The following ASCC3 variants were observed in gnomAD, a reference collection of about 807,000 sequenced individuals.
ASCC3 encodes the protein ASC-1 complex subunit P200.
A neutral mutation model predicts 256.3 loss-of-function variants in ASCC3; 158 were observed. The ratio of observed to expected loss-of-function variants is 0.62; its 90% CI spans 0.54 to 0.70. ASCC3 has a LOEUF of 0.70. Ranked by LOEUF, ASCC3 falls within the 30% of genes least tolerant of loss-of-function variation. The pLI is 0.00. For missense variants in ASCC3, 2,259 were observed against 2,626.0 expected, an observed-to-expected ratio of 0.86 and a Z score of 3.05; for synonymous variants, 948 against 883.4, an observed-to-expected ratio of 1.07 and a Z score of -1.30.
intron 13 of ASCC3, among the ~76,000 whole-genome samples, chr6:100,704,137 C>T (rs1392173124): frequency 6.6e-6 from 1 of 151,134 alleles, no homozygotes; most frequent in Non-Finnish European, 1.5e-5. Context: ...TAAAAGTAGA[C>T]GTTTAGAAAA....
chr6:100,700,260 T>C (rs575304631), intron 13 of ASCC3, among the ~76,000 whole-genome samples: 398 of 152,178 alleles, frequency 2.6e-3, no homozygotes, highest in Non-Finnish European at 4.4e-3. Flanking sequence ...GCCCCAAGTC[T>C]TGGCAGCCTC....
chr6:100,526,638 G>A (rs899135633), intron 37 of ASCC3, among the ~76,000 whole-genome samples: 1 of 152,142 alleles, frequency 6.6e-6, no homozygotes, highest in Non-Finnish European at 1.5e-5. Context: ...AGTGGAGAAT[G>A]GTGCTTTGTT....
At chr6:100,695,981 A>G (rs1466964487) in intron 13 of ASCC3, among the ~76,000 whole-genome samples, 1 of 152,160 alleles carries the variant, frequency 6.6e-6, no homozygotes, top group African/African-American at 2.4e-5. Context: ...TCACAGTTTC[A>G]GACTTATTTA....
At chr6:100,717,333 G>A (rs1057260589) in intron 12 of ASCC3, among the ~76,000 whole-genome samples, 1 of 151,904 alleles carries the variant, frequency 6.6e-6, no homozygotes, top group Non-Finnish European at 1.5e-5. Flanking sequence ...ATAGTAACAT[G>A]ATTTTATCTT....
rs549255436 is a variant in ASCC3, at chr6:100,754,154, T to C, written c.1737+12411A>G. Among the ~76,000 whole-genome samples, 23 of 152,322 alleles carry C rather than the reference T, an allele frequency of 1.5e-4. 2 individuals carry two copies. In the South Asian group the frequency reaches 3.1e-3, roughly 21 times the overall value. On this transcript the variant is annotated intron_variant, in intron 10 of 41. Coordinates refer to ENST00000369162, the MANE Select transcript of ASCC3 (RefSeq NM_006828.4). ...TGGATACAATTTTATTAAATATCAA[T>C]TGCAACATTATAAAGCAAAAAAAGT...
chr6:100,837,851 T>A (rs1427665924), intron 4 of ASCC3, among the ~76,000 whole-genome samples: 1 of 151,940 alleles, frequency 6.6e-6, no homozygotes, highest in Non-Finnish European at 1.5e-5. Flanking sequence ...AACAATATTG[T>A]GTTGGGTATT....
chr6:100,582,209 T>C (rs1040482900), intron 36 of ASCC3, among the ~76,000 whole-genome samples: 30 of 152,142 alleles, frequency 2.0e-4, no homozygotes, highest in African/African-American at 7.2e-4. Context: ...TGATTCTTCC[T>C]ACCCATGAGC....
intron 25 of ASCC3, among the ~76,000 whole-genome samples, chr6:100,633,953 A>G (rs1005987763): frequency 2.0e-5 from 3 of 152,150 alleles, no homozygotes; most frequent in Non-Finnish European, 4.4e-5. Flanking sequence ...TGGCCACAGT[A>G]CACGATAAGT....
At chr6:100,808,123 C>T (rs1770279211) in intron 4 of ASCC3, among the ~76,000 whole-genome samples, 1 of 151,702 alleles carries the variant, frequency 6.6e-6, no homozygotes, top group Admixed American at 6.6e-5. Context: ...TGACCATTTC[C>T]CAATACTTAA....
chr6:100,565,902 T>A (rs1770218390), intron 36 of ASCC3, among the ~76,000 whole-genome samples: 1 of 152,138 alleles, frequency 6.6e-6, no homozygotes, highest in Non-Finnish European at 1.5e-5. Flanking sequence ...AGCATAATAG[T>A]CACAAGACTG....
In ASCC3 at chr6:100,521,429, C is replaced by T. The variant is rs532047466; in HGVS notation, c.5776-3287G>A. On this transcript the variant is annotated intron_variant, in intron 37 of 41. Transcript: ENST00000369162. Reference sequence around the variant, plus strand: ...AATTGTGAAGAAGAAAAAATAAATTCATGTTAGTTTTGCTGTCACACCTCA... The same window carrying T: ...AATTGTGAAGAAGAAAAAATAAATTTATGTTAGTTTTGCTGTCACACCTCA... 4.6e-5 allele frequency among the ~76,000 whole-genome samples: 7 copies of T among 152,224 alleles called. No individual in the cohort carries two copies. In the East Asian group the frequency reaches 1.4e-3, roughly 29 times the overall value.
At chr6:100,527,700 CATA>C (rs1432826768) in intron 37 of ASCC3, among the ~76,000 whole-genome samples, 11 of 152,138 alleles carry the variant, frequency 7.2e-5, no homozygotes, top group African/African-American at 2.4e-4. Flanking sequence ...AGCTTACAGT[CATA>C]ATATCTTTCA....
rs530694023 is a variant in ASCC3, at chr6:100,579,315, T to C, written c.5550+10319A>G. Reference sequence around the variant, plus strand: ...GCTGTCTGTTTACTCTACTGATAGTTTGTTTTATTATGCAGAAGTTCTTCA... The same window carrying C: ...GCTGTCTGTTTACTCTACTGATAGTCTGTTTTATTATGCAGAAGTTCTTCA... On this transcript the variant is annotated intron_variant, in intron 36 of 41. Transcript: ENST00000369162. Among the ~76,000 whole-genome samples, 35 of 152,238 alleles carry C rather than the reference T, an allele frequency of 2.3e-4. No individual in the cohort carries two copies. The South Asian group carries it at 7.0e-3, about 31-fold the overall frequency.
Position 100,687,963 on chromosome 6 carries a change from A to C in ASCC3, c.2152-8211T>G, listed in dbSNP as rs191492503. The stretch of plus-strand genomic sequence containing the variant: ...GTAAAACATAACCTCATAAAAAATT[A>C]TATACTAAGATAAAGGAAATCATTC... On this transcript the variant is annotated intron_variant, in intron 13 of 41. Transcript: ENST00000369162. 2.9e-3 allele frequency among the ~76,000 whole-genome samples: 435 copies of C among 152,148 alleles called. 4 individuals carry two copies. Among genetic ancestry groups the C allele is most frequent in the Admixed American group, 5.2e-3 (79 of 15,284 alleles).
At chr6:100,691,297 T>G (rs1001472528) in intron 13 of ASCC3, among the ~76,000 whole-genome samples, 1 of 152,050 alleles carries the variant, frequency 6.6e-6, no homozygotes, top group African/African-American at 2.4e-5. Flanking sequence ...ACAAAACGTA[T>G]AGTTTATTAA....
At chr6:100,796,220 C>G (rs1769605033) in intron 8 of ASCC3, among the ~76,000 whole-genome samples, 1 of 152,080 alleles carries the variant, frequency 6.6e-6, no homozygotes, top group Admixed American at 6.6e-5. Flanking sequence ...TGTGGAGAAA[C>G]TAGACTATAT....
chr6:100,744,454 A>C (rs999307206), intron 10 of ASCC3, among the ~76,000 whole-genome samples: 2 of 152,178 alleles, frequency 1.3e-5, no homozygotes, highest in African/African-American at 4.8e-5. Context: ...TTTTCTGTGA[A>C]GACTATAGGT....
At chr6:100,545,427 C>T (rs996062287) in intron 36 of ASCC3, among the ~76,000 whole-genome samples, 3 of 152,204 alleles carry the variant, frequency 2.0e-5, no homozygotes, top group African/African-American at 4.8e-5. Context: ...CTGCATGCCT[C>T]GGCCTCCCAA....
chr6:100,874,588 C>G (rs545457078), intron 1 of ASCC3, among the ~76,000 whole-genome samples: 1 of 150,616 alleles, frequency 6.6e-6, no homozygotes, highest in East Asian at 2.0e-4. Flanking sequence ...TTATGTTATT[C>G]ATTCACTAAG....
Sources: gnomAD v4.1 joint callset for allele counts (sites outside exome capture counted in the v4.1 genomes callset) on GRCh38, gnomAD v4.1.1 for gene constraint, MANE v1.5 for transcripts, NCBI Gene and HGNC (gene_info 2026-07-23, HGNC 2026-07-21) for gene names.